Variants in MFHAS1 observed in about 807,000 individuals in gnomAD.
MFHAS1 encodes malignant fibrous histiocytoma-amplified sequence 1.
Under a neutral mutation model 70.4 loss-of-function variants are expected in MFHAS1, and 50 were observed. The ratio of observed to expected loss-of-function variants is 0.71; its 90% confidence interval spans 0.57 to 0.90. The LOEUF (loss-of-function observed/expected upper bound fraction) is 0.90. MFHAS1 is among the 40% of genes least tolerant of loss of function. MFHAS1 has a pLI of 0.00. For missense variants in MFHAS1, 1,795 were observed against 1,347.6 expected, an observed-to-expected ratio of 1.33 and a Z score of -5.20; for synonymous variants, 952 against 620.0, an observed-to-expected ratio of 1.54 and a Z score of -7.96.
At chr8:8,825,687 G>A (rs1807132402) in intron 1 of MFHAS1, among the ~76,000 whole-genome samples, 1 of 152,106 alleles carries the variant, frequency 6.6e-6, no homozygotes, top group Non-Finnish European at 1.5e-5. Flanking sequence ...CCAACCTAAT[G>A]ACCTCATTGA....
At chr8:8,863,605 G>A (rs937491308) in intron 1 of MFHAS1, among the ~76,000 whole-genome samples, 1 of 152,232 alleles carries the variant, frequency 6.6e-6, no homozygotes, top group East Asian at 1.9e-4. Flanking sequence ...TCATTAAAAT[G>A]TTTCTAACCT....
At chr8:8,843,317 C>T (rs1412858353) in intron 1 of MFHAS1, among the ~76,000 whole-genome samples, 2 of 151,310 alleles carry the variant, frequency 1.3e-5, no homozygotes, top group Non-Finnish European at 2.9e-5. Flanking sequence ...GGTGCTGTGA[C>T]TCACACCTGT....
intron 1 of MFHAS1, among the ~76,000 whole-genome samples, chr8:8,809,971 G>C (rs1349486520): frequency 6.6e-6 from 1 of 152,172 alleles, no homozygotes; most frequent in Non-Finnish European, 1.5e-5. Context: ...AAAATAGGAC[G>C]AACCCTTATG....
Position 8,892,606 on chromosome 8 carries a change from G to T in MFHAS1, c.453C>A (p.Pro151=). The T allele has an allele frequency of 6.2e-7, 1 of 1,608,230 alleles. No homozygotes were observed. Among genetic ancestry groups the T allele is most frequent in the Non-Finnish European group, 8.5e-7 (1 of 1,177,834 alleles). Residue 151 remains proline, a synonymous_variant, in exon 1 of 3, where the codon CCC becomes CCA. Transcript: ENST00000276282. This position sits in a 1 kb window ranked among gnomAD's most constrained non-coding sequence, Gnocchi z 4.7. ...NLSHNQLPAL[P]AQLGALAHLE... The stretch of plus-strand genomic sequence containing the variant: ...GGTGAGCGAGAGCGCCCAGCTGGGC[G>T]GGCAGGGCGGGCAGCTGGTTGTGGC...
chr8:8,823,595 CCT>C (rs1203142275), intron 1 of MFHAS1, among the ~76,000 whole-genome samples: 1 of 151,464 alleles, frequency 6.6e-6, no homozygotes, highest in Non-Finnish European at 1.5e-5. Flanking sequence ...TCATAAAACT[CCT>C]CACAAATTTA....
intron 1 of MFHAS1, among the ~76,000 whole-genome samples, chr8:8,810,575 T>C (rs1161023002): frequency 6.6e-6 from 1 of 152,196 alleles, no homozygotes; most frequent in Non-Finnish European, 1.5e-5. Context: ...GAACAGTAAA[T>C]ACATTTTCTC....
intron 1 of MFHAS1, chr8:8,822,178 G>A (rs1806980974): frequency 6.6e-6 from 1 of 152,508 alleles, no homozygotes; most frequent in Non-Finnish European, 1.5e-5. Context: ...GAAGCAGGCA[G>A]ATCAGACAGC....
chr8:8,887,859 C>CAAAAAAAA (rs11300082), intron 1 of MFHAS1, among the ~76,000 whole-genome samples: 1 of 95,460 alleles, frequency 1.0e-5, no homozygotes, highest in Non-Finnish European at 2.3e-5. Context: ...GCAAAAAAAA[C>CAAAAAAAA]AAAAAAAAAA....
intron 1 of MFHAS1, among the ~76,000 whole-genome samples, chr8:8,829,273 A>C (rs1807279219): frequency 6.6e-6 from 1 of 152,304 alleles, no homozygotes; most frequent in South Asian, 2.1e-4. Flanking sequence ...CCCCACCTGG[A>C]GGTCCTCTCC....
chr8:8,885,680 C>CA (rs1401526745), intron 1 of MFHAS1, among the ~76,000 whole-genome samples: 1 of 152,098 alleles, frequency 6.6e-6, no homozygotes, highest in Non-Finnish European at 1.5e-5. Flanking sequence ...AGCAAGTCTG[C>CA]AAAAAAGAAA....
At chr8:8,837,440 G>A (rs1040583689) in intron 1 of MFHAS1, among the ~76,000 whole-genome samples, 34 of 152,206 alleles carry the variant, frequency 2.2e-4, no homozygotes, top group African/African-American at 6.5e-4. Flanking sequence ...TCAGGAGTTC[G>A]AAACCAGTCT....
chr8:8,850,292 ATGTC>A (rs1338287790), intron 1 of MFHAS1, among the ~76,000 whole-genome samples: 14 of 152,234 alleles, frequency 9.2e-5, no homozygotes, highest in Non-Finnish European at 1.3e-4. Context: ...ATAGCTTAAC[ATGTC>A]TGTGACAATA....
chr8:8,847,075 T>A (rs1186373127), intron 1 of MFHAS1, among the ~76,000 whole-genome samples: 1 of 152,358 alleles, frequency 6.6e-6, no homozygotes, highest in East Asian at 1.9e-4. Context: ...GTCTTAGATT[T>A]TTCAGAGGAA....
intron 2 of MFHAS1, among the ~76,000 whole-genome samples, chr8:8,796,027 G>C (rs1487019379): frequency 6.6e-6 from 1 of 152,152 alleles, no homozygotes. Flanking sequence ...CTGCTTTTCA[G>C]GATTTGAAGT....
intron 1 of MFHAS1, among the ~76,000 whole-genome samples, chr8:8,803,050 C>A (rs552179812): frequency 2.7e-4 from 41 of 152,272 alleles, no homozygotes; most frequent in African/African-American, 9.6e-4. Context: ...CACATATACT[C>A]TTAAGGGGTT....
rs552412717 is a variant in MFHAS1 at position 8,870,184 on chromosome 8, G to A, written c.2998+19877C>T. Among the ~76,000 whole-genome samples the A allele has an allele frequency of 5.3e-5, 8 of 151,780 alleles. No homozygotes were observed. In the South Asian group the frequency reaches 1.5e-3, roughly 28 times the overall value. On this transcript the variant is annotated intron_variant, in intron 1 of 2. Coordinates refer to ENST00000276282, the MANE Select transcript of MFHAS1 (RefSeq NM_004225.3). Reference sequence around the variant, plus strand: ...AAGTTATTTACACGGGATATGTACAGTGGTTCAACCTGTAATCCCAGCACT... The same window carrying A: ...AAGTTATTTACACGGGATATGTACAATGGTTCAACCTGTAATCCCAGCACT...
chr8:8,820,399 T>C (rs1585033818), intron 1 of MFHAS1, among the ~76,000 whole-genome samples: 1 of 152,156 alleles, frequency 6.6e-6, no homozygotes, highest in Admixed American at 6.5e-5. Flanking sequence ...CCAAGCAGAA[T>C]CAAGCCATAA....
chr8:8,796,588 G>A (rs1487394321), intron 2 of MFHAS1, among the ~76,000 whole-genome samples: 2 of 148,296 alleles, frequency 1.3e-5, no homozygotes, highest in Non-Finnish European at 3.0e-5. Flanking sequence ...GGAGGCTGAG[G>A]CAGGAGAATG....
At chr8:8,827,050 C>T (rs779283264) in intron 1 of MFHAS1, among the ~76,000 whole-genome samples, 2 of 152,038 alleles carry the variant, frequency 1.3e-5, no homozygotes, top group Non-Finnish European at 2.9e-5. Context: ...TACTGATATC[C>T]CGTATATCTT....
Sources: gnomAD v4.1 joint callset for allele counts (sites outside exome capture counted in the v4.1 genomes callset) on GRCh38, gnomAD v4.1.1 for gene constraint, Gnocchi (gnomAD v3.1) non-coding constraint, MANE v1.5 for transcripts, NCBI Gene and HGNC (gene_info 2026-07-23, HGNC 2026-07-21) for gene names.